Variants in DCLRE1C observed in about 807,000 individuals in gnomAD.
DCLRE1C encodes DNA cross-link repair 1C.
In DCLRE1C, 47 loss-of-function variants were observed where a neutral mutation model predicts 61.4. That is an observed-to-expected ratio of 0.77 (90% CI 0.61 to 0.98). The LOEUF (loss-of-function observed/expected upper bound fraction) is 0.98, where lower values mean the gene tolerates loss of function less well. DCLRE1C is among the 50% of genes least tolerant of loss of function. DCLRE1C has a pLI of 0.00. For missense variants in DCLRE1C, 858 were observed against 816.0 expected (o/e 1.05, Z -0.63); for synonymous variants, 337 against 287.6 (o/e 1.17, Z -1.74).
At chr10:14,902,418 T>C (rs754399520), downstream of DCLRE1C, 20 of 1,608,366 alleles carry the variant, frequency 1.2e-5, no homozygotes, top group Admixed American at 3.4e-5. Context: ...TCTGGAGATA[T>C]ATCTTCAGAT....
downstream of DCLRE1C, among the ~76,000 whole-genome samples, chr10:14,900,574 A>G (rs1833935923): frequency 6.6e-6 from 1 of 152,210 alleles, no homozygotes; most frequent in African/African-American, 2.4e-5. Flanking sequence ...CAGGGCCATC[A>G]AACAGTTTTG....
intron 13 of DCLRE1C, among the ~76,000 whole-genome samples, chr10:14,918,196 T>C (rs1013924171): frequency 2.0e-5 from 3 of 152,188 alleles, no homozygotes; most frequent in Non-Finnish European, 4.4e-5. Flanking sequence ...TCATGGCAGC[T>C]TTCTTTTTAA....
intron 11 of DCLRE1C, chr10:14,923,399 G>T: frequency 6.8e-6 from 2 of 292,270 alleles, no homozygotes; most frequent in Non-Finnish European, 6.6e-6. Context: ...TTAATATATT[G>T]CTTTCCTTGT....
intron 12 of DCLRE1C, 99 bp from the exon 13 acceptor site, chr10:14,919,931 A>G: frequency 1.1e-6 from 1 of 934,694 alleles, no homozygotes; most frequent in East Asian, 2.5e-5. Flanking sequence ...TTGTTTTTTA[A>G]TTTCTTGGAT....
At chr10:14,937,893 CA>C (rs749452841) in intron 4 of DCLRE1C, among the ~76,000 whole-genome samples, 720 of 40,684 alleles carry the variant, frequency 0.018, 2 homozygotes, top group African/African-American at 0.035. Context: ...GGCTCAGTCT[CA>C]AAAAAAAAAA....
downstream of DCLRE1C, chr10:14,901,173 A>C: frequency 6.2e-7 from 1 of 1,613,920 alleles, no homozygotes; most frequent in South Asian, 1.1e-5. Flanking sequence ...TTCATTGATA[A>C]CCTCGATACT....
At position 14,908,609 on chromosome 10, in the gene DCLRE1C, A is replaced by G; in HGVS notation, c.1878T>C (p.Ser626=). 1.2e-6 allele frequency: 2 copies of G among 1,613,938 alleles called. No homozygotes were observed. Among genetic ancestry groups the G allele is most frequent in the Non-Finnish European group, 1.7e-6 (2 of 1,179,824 alleles). ...TTTTTTCCTCGGGTATATGTGTCTC[A>G]CTGCTTAGAGTAGTTGGTTCTCCAG... ...PSTGEPTTLS[S]ETHIPEEKSL... The change falls in exon 14 of 14, where the codon AGT becomes AGC. Residue 626 remains serine, a synonymous_variant. Transcript: ENST00000378278.
In DCLRE1C at chr10:14,905,129, G is replaced by A. The variant is rs536384043; in HGVS notation, c.*3279C>T. The stretch of plus-strand genomic sequence containing the variant: ...AGAAAAATACTGATGTATTGACTAC[G>A]TGCTAGCAAGATTAACCGAAGGTTT... On this transcript the variant is annotated 3_prime_UTR_variant, in exon 14 of 14. Coordinates refer to ENST00000378278, the MANE Select transcript of DCLRE1C (RefSeq NM_001033855.3). 2.0e-5 allele frequency among the ~76,000 whole-genome samples: 3 copies of A among 152,316 alleles called. No individual in the cohort carries two copies. Among genetic ancestry groups the A allele is most frequent in the South Asian group, 4.1e-4 (2 of 4,826 alleles).
At chr10:14,899,102 T>G (rs1414619350) in exon 14 of DCLRE1C, 1 of 632,680 alleles carries the variant, frequency 1.6e-6, no homozygotes, top group African/African-American at 1.8e-5. Context: ...GGAGGCTCAC[T>G]TGAGCCCAGG....
intron 3 of DCLRE1C, among the ~76,000 whole-genome samples, chr10:14,944,787 G>C (rs1841423210): frequency 6.8e-6 from 1 of 146,506 alleles, no homozygotes; most frequent in Non-Finnish European, 1.5e-5. Context: ...CAATTATCCT[G>C]CCTCAGCCTC....
At chr10:14,941,764 A>G (rs1400625703) in intron 3 of DCLRE1C, among the ~76,000 whole-genome samples, 7 of 152,050 alleles carry the variant, frequency 4.6e-5, no homozygotes, top group Non-Finnish European at 8.8e-5. Flanking sequence ...AGTTTTTGTA[A>G]GTGTCATGAG....
Position 14,935,507 on chromosome 10 carries a change from C to A in DCLRE1C, c.420G>T (p.Ala140=). The change falls in exon 6 of 14, where the codon GCG becomes GCT. Residue 140 remains alanine, a synonymous_variant. Transcript: ENST00000378278. The part of the protein sequence containing the change: ...TVLYTGDFRL[A]QGEAARMELL... ...GCTCCATTCTAGCAGCTTCTCCTTG[C>A]GCCAATCTGAAGTCTCCTGTGTACA... 8 of 1,614,056 alleles carry A rather than the reference C, an allele frequency of 5.0e-6. No homozygotes were observed. The highest frequency in any genetic ancestry group is 5.1e-6 in the Non-Finnish European group (6 of 1,179,970).
chr10:14,945,541 C>G, intron 2 of DCLRE1C: 4 of 1,098,262 alleles, frequency 3.6e-6, no homozygotes, highest in Non-Finnish European at 4.5e-6. Context: ...CTTGGAAATA[C>G]GCGCTTGTAT....
At chr10:14,922,137 G>A (rs1837218677) in intron 12 of DCLRE1C, among the ~76,000 whole-genome samples, 1 of 152,126 alleles carries the variant, frequency 6.6e-6, no homozygotes, top group Non-Finnish European at 1.5e-5. Flanking sequence ...CCATATGGCT[G>A]GCACTAAAGA....
At position 14,942,859 on chromosome 10, in the gene DCLRE1C, C is replaced by T. The variant is rs543144764; in HGVS notation, c.246+2246G>A. Among the ~76,000 whole-genome samples, 253 of 152,276 alleles carry T rather than the reference C, an allele frequency of 1.7e-3. 1 individual carries two copies. Among genetic ancestry groups the T allele is most frequent in the South Asian group, 7.7e-3 (37 of 4,828 alleles). On this transcript the variant is annotated intron_variant, in intron 3 of 13. Transcript: ENST00000378278. ...AGCAAACAGAAGCCCGGCATAGTGGCTCACACCTGTAATCCCAGCCCTTGG... is the reference window on the plus strand; with the variant it reads ...AGCAAACAGAAGCCCGGCATAGTGGTTCACACCTGTAATCCCAGCCCTTGG...
chr10:14,936,682 AT>A (rs1259135466), intron 4 of DCLRE1C, 89 bp from the exon 5 acceptor site: 3 of 860,392 alleles, frequency 3.5e-6, no homozygotes, highest in Non-Finnish European at 5.8e-6. Flanking sequence ...GAACACATTT[AT>A]GTACCTTTTA....
chr10:14,941,487 G>C (rs550309506), intron 3 of DCLRE1C, among the ~76,000 whole-genome samples: 1 of 152,274 alleles, frequency 6.6e-6, no homozygotes, highest in South Asian at 2.1e-4. Flanking sequence ...GGGTTTTGCA[G>C]TATTGCCCAG....
Position 14,907,234 on chromosome 10 carries a change from C to G in DCLRE1C, c.*1174G>C, listed in dbSNP as rs41300694. On this transcript the variant is annotated 3_prime_UTR_variant, in exon 14 of 14. Transcript: ENST00000378278. ...CCGTATTCACATCAAGGTTAAGTGACTTAACATCTTTGGGGATAAATAAGG... is the reference window on the plus strand; with the variant it reads ...CCGTATTCACATCAAGGTTAAGTGAGTTAACATCTTTGGGGATAAATAAGG... 1.4e-4 allele frequency among the ~76,000 whole-genome samples: 21 copies of G among 151,340 alleles called. No homozygotes were observed. Among genetic ancestry groups the G allele is most frequent in the Middle Eastern group, 6.8e-3 (2 of 294 alleles).
At chr10:14,951,675 G>A (rs1384242496) in intron 1 of DCLRE1C, among the ~76,000 whole-genome samples, 1 of 152,072 alleles carries the variant, frequency 6.6e-6, no homozygotes, top group East Asian at 1.9e-4. Context: ...ACAGACAGCC[G>A]CCTTCTCACT....
Sources: allele counts gnomAD v4.1 joint callset (sites outside exome capture counted in the v4.1 genomes callset), GRCh38; gene constraint gnomAD v4.1.1; transcripts MANE v1.5; gene names NCBI Gene and HGNC (gene_info 2026-07-23, HGNC 2026-07-21).